Variants in IQGAP3 observed in about 807,000 individuals in gnomAD.
The protein encoded by IQGAP3 is ras GTPase-activating-like protein IQGAP3.
Under a neutral mutation model 208.2 loss-of-function variants are expected in IQGAP3, and 165 were observed. That is an observed-to-expected ratio of 0.79 (90% CI 0.70 to 0.90). The LOEUF (loss-of-function observed/expected upper bound fraction) is 0.90. Ranked by LOEUF, IQGAP3 falls within the 40% of genes least tolerant of loss-of-function variation. The pLI is 0.00. For synonymous variants in IQGAP3, 703 were observed against 803.6 expected (o/e 0.87, Z 2.12); for missense variants, 1,811 against 2,043.1 (o/e 0.89, Z 2.19).
Position 156,534,728 on chromosome 1 carries a change from G to A in IQGAP3, c.3513C>T (p.Val1171=), listed in dbSNP as rs1003099016. Residue 1171 remains valine (V), a synonymous_variant, in exon 29 of 38, where the codon GTC becomes GTT. Coordinates refer to ENST00000361170, the MANE Select transcript of IQGAP3 (RefSeq NM_178229.5). ...GGAAGCGGTAGTACAGGAGGTTCCC[G>A]ACCACCTGAGGGCAAAGGAGACTCT... ...DATDSEVYKV[V]GNLLYYRFLN... 8 of 1,554,290 alleles carry A rather than the reference G, an allele frequency of 5.1e-6. No homozygotes were observed. The highest frequency in any genetic ancestry group is 3.6e-5 in the South Asian group (3 of 82,824).
At chr1:156,537,547 TAGGA>T in intron 26 of IQGAP3, among the ~76,000 whole-genome samples, 1 of 152,216 alleles carries the variant, frequency 6.6e-6, no homozygotes, top group South Asian at 2.1e-4. Flanking sequence ...TGGAAGAATG[TAGGA>T]AGGAACAGAG....
chr1:156,544,122 T>G, intron 21 of IQGAP3, 30 bp downstream of exon 21: 7 of 1,613,810 alleles, frequency 4.3e-6, no homozygotes, highest in Non-Finnish European at 5.9e-6. Context: ...AGGTTGGGTA[T>G]GTGGGCAGGG....
At chr1:156,563,426 A>T (rs1277833758) in intron 7 of IQGAP3, 114 bp from the exon 8 acceptor site, 2 of 1,355,666 alleles carry the variant, frequency 1.5e-6, no homozygotes, top group Admixed American at 4.7e-5. Context: ...AGGGCCAGAC[A>T]AACCAGGTAG....
At chr1:156,552,918 T>A (rs1049739554) in intron 13 of IQGAP3, among the ~76,000 whole-genome samples, 1 of 151,962 alleles carries the variant, frequency 6.6e-6, no homozygotes, top group African/African-American at 2.4e-5. Context: ...TACAAAAAAT[T>A]AAAAAATTAG....
At chr1:156,546,174 C>T (rs865908018) in intron 19 of IQGAP3, among the ~76,000 whole-genome samples, 4 of 152,278 alleles carry the variant, frequency 2.6e-5, no homozygotes, top group South Asian at 2.1e-4. Flanking sequence ...ACCCAACCTC[C>T]ACCAGGCTCC....
chr1:156,527,920 T>C (rs745700398), intron 37 of IQGAP3, 32 bp downstream of exon 37: 1 of 1,466,690 alleles, frequency 6.8e-7, no homozygotes, highest in Non-Finnish European at 9.6e-7. Flanking sequence ...GCCCAGCAGA[T>C]GTCCTGCAGG....
intron 10 of IQGAP3, among the ~76,000 whole-genome samples, chr1:156,561,299 C>T (rs1001574688): frequency 1.3e-5 from 2 of 152,038 alleles, no homozygotes; most frequent in East Asian, 3.9e-4. Context: ...TTCCAAGTAG[C>T]TGGGATTACA....
At chr1:156,550,060 G>C (rs1214021494) in intron 16 of IQGAP3, among the ~76,000 whole-genome samples, 1 of 152,192 alleles carries the variant, frequency 6.6e-6, no homozygotes, top group Non-Finnish European at 1.5e-5. Context: ...CTCACCTCCT[G>C]AGAATGTCCT....
chr1:156,535,271 C>T (rs771578342), intron 27 of IQGAP3, 24 bp from the exon 28 acceptor site: 19 of 1,520,542 alleles, frequency 1.2e-5, no homozygotes, highest in South Asian at 7.0e-5. Context: ...AACAGGTGCG[C>T]GTGGCTGTGC....
intron 1 of IQGAP3, 147 bp downstream of exon 1, chr1:156,572,346 C>A: frequency 1.2e-6 from 1 of 861,360 alleles, no homozygotes; most frequent in Non-Finnish European, 1.9e-6. Context: ...GGCGCCCGGG[C>A]TGAGGATTCC....
intron 31 of IQGAP3, among the ~76,000 whole-genome samples, chr1:156,533,522 C>T (rs541340476): frequency 2.0e-4 from 30 of 152,308 alleles, no homozygotes; most frequent in Admixed American, 1.6e-3. Flanking sequence ...AGGCCCTGAT[C>T]CCTGTGCCTC....
chr1:156,529,447 AAG>A lies in IQGAP3; in HGVS notation c.4405-367_4405-366del, dbSNP rs1674274096. Among the ~76,000 whole-genome samples, 4 of 152,174 alleles carry A rather than the reference AAG, an allele frequency of 2.6e-5. No individual in the cohort carries two copies. In the South Asian group the frequency reaches 8.3e-4, roughly 32 times the overall value. Reference sequence around the variant, plus strand: ...AGCTAATGTGGGGAAGAAAAAAAAAAAGAGAGTTGCAAGAACACCTTCCTCTC... The same window carrying A: ...AGCTAATGTGGGGAAGAAAAAAAAAAAGAGTTGCAAGAACACCTTCCTCTC... On this transcript the variant is annotated intron_variant, in intron 34 of 37. Transcript: ENST00000361170.
At position 156,537,245 on chromosome 1, in the gene IQGAP3, G is replaced by A. The variant is rs374568868; in HGVS notation, c.3358C>T (p.Arg1120Cys). ...TTATCAGTCATGGCGAGGAGGTTGCGTAGGGCGATGTCCAGTCGTCTCTGG... is the reference window on the plus strand; with the variant it reads ...TTATCAGTCATGGCGAGGAGGTTGCATAGGGCGATGTCCAGTCGTCTCTGG... ...EVQRRLDIAL[R>C]NLLAMTDKFL... The change falls in exon 27 of 38, where the codon CGC (arginine) becomes TGC (cysteine). Residue 1120 changes from arginine to cysteine, a missense_variant. Arg to Cys is a radical substitution (Grantham distance 180). Transcript: ENST00000361170. The A allele has an allele frequency of 4.0e-5, 64 of 1,613,932 alleles. No homozygotes were observed. The East Asian group carries it at 1.2e-3, about 30-fold the overall frequency.
rs1215512918 is a variant in IQGAP3 at position 156,544,397 on chromosome 1, T to C, written c.2380A>G (p.Ile794Val). 5 of 1,612,700 alleles carry C rather than the reference T, an allele frequency of 3.1e-6. No individual in the cohort carries two copies. In the East Asian group the frequency reaches 6.7e-5, roughly 22 times the overall value. The part of the protein sequence containing the change: ...LQYFKANLDA[I>V]IKIQAWARMW... ...AAAACCACCGTAGCTACCTTGATTA[T>C]GGCATCCAGGTTTGCTTTAAAATAC... The change falls in exon 20 of 38, where the codon ATA (isoleucine) becomes GTA (valine). Residue 794 changes from isoleucine (I) to valine (V), a missense_variant. Coordinates refer to ENST00000361170, the MANE Select transcript of IQGAP3 (RefSeq NM_178229.5).
chr1:156,548,119 T>C lies in IQGAP3; in HGVS notation c.2258A>G (p.His753Arg). The C allele has an allele frequency of 6.2e-7, 1 of 1,613,890 alleles. No homozygotes were observed. The highest frequency in any genetic ancestry group is 8.5e-7 in the Non-Finnish European group (1 of 1,179,874). Residue 753 changes from histidine (H) to arginine (R), a missense_variant, in exon 19 of 38, where the codon CAT becomes CGT. Transcript: ENST00000361170. ...GFLVRQKFAE[H>R]SHFLRTWLPA... ...GAGCCAGGTCCTCAGAAAGTGGGAA[T>C]GCTCAGCAAACTTCTGCCGAACTAG...
chr1:156,541,293 G>GCTC (rs199614479), intron 22 of IQGAP3, among the ~76,000 whole-genome samples: 2,285 of 151,284 alleles, frequency 0.015, 69 homozygotes, highest in African/African-American at 0.053. Context: ...GGGCCAACCT[G>GCTC]CTCCTCCTCC....
At position 156,538,994 on chromosome 1, in the gene IQGAP3, G is replaced by A; in HGVS notation, c.3096C>T (p.Asn1032=). ...TCACCACCAGCCTCACCACTGTTGG[G>A]TTGCCTGTCACCACGTCCTGGGGCT... ...VEQPQDVVTG[N]PTVVRLVVRF... The change falls in exon 26 of 38, where the codon AAC becomes AAT. Residue 1032 remains asparagine (N), a synonymous_variant. Transcript: ENST00000361170. 1.2e-6 allele frequency: 2 copies of A among 1,614,150 alleles called. No individual in the cohort carries two copies. Among genetic ancestry groups the A allele is most frequent in the African/African-American group, 1.3e-5 (1 of 75,054 alleles).
At chr1:156,564,565 G>A in intron 5 of IQGAP3, 50 bp downstream of exon 5, 1 of 1,177,250 alleles carries the variant, frequency 8.5e-7, no homozygotes, top group Non-Finnish European at 1.3e-6. Context: ...GTTGATTGTT[G>A]GTCGCATCCA....
chr1:156,533,590 T>C (rs563430915), intron 31 of IQGAP3, among the ~76,000 whole-genome samples, 183 bp downstream of exon 31: 1 of 152,294 alleles, frequency 6.6e-6, no homozygotes, highest in South Asian at 2.1e-4. Context: ...CTACTGTCTG[T>C]CTACCTTCTC....
Sources: gnomAD v4.1 joint callset for allele counts (sites outside exome capture counted in the v4.1 genomes callset) on GRCh38, gnomAD v4.1.1 for gene constraint, MANE v1.5 for transcripts, NCBI Gene and HGNC (gene_info 2026-07-23, HGNC 2026-07-21) for gene names.